Variants in GPAT2 observed in about 807,000 individuals in gnomAD.
The protein encoded by GPAT2 is glycerol-3-phosphate acyltransferase 2, mitochondrial, also known as 1-acylglycerol-3-phosphate O-acyltransferase GPAT2.
A neutral mutation model predicts 71.0 loss-of-function variants in GPAT2; 51 were observed. That is an observed-to-expected ratio of 0.72 (90% CI 0.57 to 0.91). The LOEUF is 0.91. Ranked by LOEUF, GPAT2 falls within the 40% of genes least tolerant of loss-of-function variation. The pLI, the probability that GPAT2 is intolerant of heterozygous loss-of-function variation, is 0.00. For synonymous variants in GPAT2, 222 were observed against 290.3 expected (o/e 0.76, Z 2.39); for missense variants, 511 against 666.0 (o/e 0.77, Z 2.56).
chr2:96,028,572 C>T (rs1296009569), intron 6 of GPAT2, among the ~76,000 whole-genome samples: 1 of 151,696 alleles, frequency 6.6e-6, no homozygotes, highest in Non-Finnish European at 1.5e-5. Context: ...ACAGGAGGAC[C>T]AGCTCTATTT....
intron 11 of GPAT2, 27 bp from the exon 12 acceptor site, chr2:96,026,039 C>T (rs1227792482): frequency 1.2e-6 from 2 of 1,610,620 alleles, no homozygotes; most frequent in Admixed American, 1.7e-5. Context: ...TCTTAGGTGG[C>T]CTGCTCGGGC....
rs763215862 is a variant in GPAT2 at position 96,026,301 on chromosome 2, G to A, written c.1037C>T (p.Ser346Leu). The A allele has an allele frequency of 1.2e-5, 19 of 1,538,944 alleles. No homozygotes were observed. The highest frequency in any genetic ancestry group is 4.3e-5 in the Admixed American group (2 of 46,024). The stretch of plus-strand genomic sequence containing the variant: ...TCCTGTCCACAGCCCCAGGGGGGCC[G>A]AGGCCTGCAAGGAGGGAAAGGATAA... The part of the protein sequence containing the change: ...PDAPCDIDHA[S>L]APLGLWTGAL... Residue 346 changes from serine (S) to leucine (L), a missense_variant, in exon 11 of 22, where the codon TCG becomes TTG. Ser to Leu is a moderately radical substitution (Grantham distance 145). Around this residue, in one of 7 missense-constraint regions of GPAT2, gnomAD observed 79 missense variants for 111.4 expected, o/e 0.71. Transcript: ENST00000434632.
At chr2:96,025,902 C>G (rs776364233) in intron 12 of GPAT2, 28 bp downstream of exon 12, 7 of 1,608,156 alleles carry the variant, frequency 4.4e-6, no homozygotes, top group Non-Finnish European at 5.1e-6. Context: ...GCCTTGCCCC[C>G]TGAGACCCCA....
intron 13 of GPAT2, 187 bp from the exon 14 acceptor site, chr2:96,025,030 C>G: frequency 1.5e-6 from 1 of 676,602 alleles, no homozygotes; most frequent in Non-Finnish European, 2.6e-6. Context: ...GGGCCTTCCC[C>G]TGGATCTCAT....
In GPAT2 at chr2:96,022,639, CAG is replaced by C. The variant is rs755982395; in HGVS notation, c.2289+27_2289+28del. 1.9e-5 allele frequency: 30 copies of C among 1,611,860 alleles called. No individual in the cohort carries two copies. The South Asian group carries it at 3.2e-4, about 17-fold the overall frequency. ...CTCTATTGGGGTGGGAGCAGGGGGA[CAG>C]AAGATGGTGACAGTGGCTCCTCTCA... On this transcript the variant is annotated intron_variant, in intron 21 of 21. Transcript: ENST00000434632.
intron 16 of GPAT2, 42 bp from the exon 17 acceptor site, chr2:96,024,042 C>T (rs1308983506): frequency 6.3e-7 from 1 of 1,576,454 alleles, no homozygotes; most frequent in Admixed American, 1.9e-5. Context: ...GAGAGCCAGG[C>T]ACATGGGCAG....
intron 13 of GPAT2, 138 bp from the exon 14 acceptor site, chr2:96,024,981 GT>G: frequency 1.0e-6 from 1 of 994,784 alleles, no homozygotes; most frequent in Non-Finnish European, 1.6e-6. Context: ...GAGCAGTGGT[GT>G]TTATCATCAC....
intron 12 of GPAT2, 117 bp downstream of exon 12, chr2:96,025,813 G>C: frequency 8.1e-7 from 1 of 1,235,262 alleles, no homozygotes; most frequent in East Asian, 2.4e-5. Context: ...TATTCTAGAT[G>C]ACCCCAGGAT....
chr2:96,032,267 G>A (rs750689619), intron 2 of GPAT2, 30 bp downstream of exon 2: 1 of 1,519,024 alleles, frequency 6.6e-7, no homozygotes. Context: ...AGGGCAGAGA[G>A]GATTTGAGGA....
intron 13 of GPAT2, 51 bp from the exon 14 acceptor site, chr2:96,024,894 C>T (rs1388204520): frequency 2.5e-6 from 4 of 1,596,586 alleles, no homozygotes; most frequent in Non-Finnish European, 1.7e-6. Flanking sequence ...GCCCAGCAGC[C>T]TGGTCCCTCC....
In GPAT2 at chr2:96,021,949, T is replaced by C; in HGVS notation, c.*210A>G. 7.8e-7 allele frequency: 1 copy of C among 1,282,902 alleles called. No homozygotes were observed. Among genetic ancestry groups the C allele is most frequent in the Middle Eastern group, 2.8e-4 (1 of 3,582 alleles). The allele number at this position is 1,282,902 out of a possible 1,614,324, so 79.5% of individuals were successfully genotyped here. A position where few individuals can be genotyped will look rare whatever the true frequency, so the allele number is the denominator to read the frequency against. ...ACACACACATACACCAAAAAGATGCTGCTGGGCTGGGGAAAAGACAACTCG... is the reference window on the plus strand; with the variant it reads ...ACACACACATACACCAAAAAGATGCCGCTGGGCTGGGGAAAAGACAACTCG... On this transcript the variant is annotated 3_prime_UTR_variant, in exon 22 of 22. Coordinates refer to ENST00000434632, the MANE Select transcript of GPAT2 (RefSeq NM_001321527.2).
chr2:96,025,578 C>T lies in GPAT2; in HGVS notation c.1264G>A (p.Glu422Lys), dbSNP rs537818494. 8.9e-6 allele frequency: 14 copies of T among 1,576,268 alleles called. No individual in the cohort carries two copies. In the East Asian group the frequency reaches 2.7e-4, roughly 31 times the overall value. Reference sequence around the variant, plus strand: ...CCAGTTATGGGGGTCCACTCCTGCTCCTTCTCAGTGTCTGGGACAGCAGTA... The same window carrying T: ...CCAGTTATGGGGGTCCACTCCTGCTTCTTCTCAGTGTCTGGGACAGCAGTA... ...QCTAVPDTEKEQEWTPITGPL... is the reference protein window; with the variant it reads ...QCTAVPDTEKKQEWTPITGPL... The change falls in exon 13 of 22, where the codon GAG becomes AAG. Residue 422 changes from glutamate to lysine, a missense_variant. Coordinates refer to ENST00000434632, the MANE Select transcript of GPAT2 (RefSeq NM_001321527.2).
intron 21 of GPAT2, 54 bp from the exon 22 acceptor site, chr2:96,022,329 A>G: frequency 1.3e-6 from 2 of 1,512,642 alleles, no homozygotes; most frequent in Non-Finnish European, 1.8e-6. Flanking sequence ...CTGTGTACAC[A>G]TGGCCCAGGG....
chr2:96,024,782 C>G lies in GPAT2; in HGVS notation c.1419G>C (p.Lys473Asn), dbSNP rs1680200882. ...ACATTGCACCCCCTACCTTCTGATG[C>G]TTGAAGAGCAGCAGCGTTGCCATAA... is the stretch of plus-strand genomic sequence containing the variant. ...TAIMATLLLF[K>N]HQKGVFLSQL... is the part of the protein sequence containing the mutation. Residue 473 changes from lysine to asparagine, a missense_variant, in exon 14 of 22, where the codon AAG (lysine) becomes AAC (asparagine). Transcript: ENST00000434632. 6.2e-7 allele frequency: 1 copy of G among 1,613,964 alleles called. No individual in the cohort carries two copies. Among genetic ancestry groups the G allele is most frequent in the African/African-American group, 1.3e-5 (1 of 75,028 alleles).
At position 96,026,182 on chromosome 2, in the gene GPAT2, C is replaced by A; in HGVS notation, c.1155+1G>T. On this transcript the variant is annotated splice_donor_variant, in intron 11 of 21. Coordinates refer to ENST00000434632, the MANE Select transcript of GPAT2 (RefSeq NM_001321527.2). LOFTEE classifies it high-confidence loss of function. ...CCAGCCTTCCCCAGCTGGCTCCATACCTGCAGGGAAAAGGGCTGAGCTAGG... is the reference window on the plus strand; with the variant it reads ...CCAGCCTTCCCCAGCTGGCTCCATAACTGCAGGGAAAAGGGCTGAGCTAGG... 3 of 1,604,008 alleles carry A rather than the reference C, an allele frequency of 1.9e-6. No homozygotes were observed. The highest frequency in any genetic ancestry group is 2.6e-6 in the Non-Finnish European group (3 of 1,175,136).
chr2:96,023,992 C>T lies in GPAT2; in HGVS notation c.1845G>A (p.Gln615=), dbSNP rs1349186040. The T allele has an allele frequency of 6.3e-7, 1 of 1,594,438 alleles. No individual in the cohort carries two copies. The highest frequency in any genetic ancestry group is 8.5e-7 in the Non-Finnish European group (1 of 1,170,610). The change falls in exon 17 of 22, where the codon CAG becomes CAA. Residue 615 remains glutamine, a synonymous_variant. Transcript: ENST00000434632. ...CCTCCTGACAGTAGCAGTAGGAAGA[C>T]TGGCAGGGCTGGGAGAAAAAGGCAC... The part of the protein sequence containing the change: ...PQDLLLLKPC[Q]SSYCYCQEVL...
rs1472119549 is a variant in GPAT2 at position 96,024,215 on chromosome 2, G to A, written c.1810C>T (p.Leu604=). 2.0e-6 allele frequency: 3 copies of A among 1,538,360 alleles called. No individual in the cohort carries two copies. Among genetic ancestry groups the A allele is most frequent in the East Asian group, 2.3e-5 (1 of 43,470 alleles). Residue 604 remains leucine, a synonymous_variant, in exon 16 of 22, where the codon CTG becomes TTG. Transcript: ENST00000434632. ...TTTAGCAGCAGCAGGTCTTGCGGCA[G>A]CAGGTGCATCAGCAGCAGGATCTGG... ...YRQILLLMHL[L]PQDLLLLKPC... is the part of the protein sequence containing the mutation.
rs768405348 is a variant in GPAT2, at chr2:96,022,636, G to A, written c.2289+32C>T. Reference sequence around the variant, plus strand: ...CTACTCTATTGGGGTGGGAGCAGGGGGACAGAAGATGGTGACAGTGGCTCC... The same window carrying A: ...CTACTCTATTGGGGTGGGAGCAGGGAGACAGAAGATGGTGACAGTGGCTCC... On this transcript the variant is annotated intron_variant, in intron 21 of 21. Coordinates refer to ENST00000434632, the MANE Select transcript of GPAT2 (RefSeq NM_001321527.2). The A allele has an allele frequency of 1.8e-5, 29 of 1,609,994 alleles. No individual in the cohort carries two copies. In the South Asian group the frequency reaches 2.5e-4, roughly 14 times the overall value.
At chr2:96,024,117 G>A in intron 16 of GPAT2, 72 bp downstream of exon 16, 1 of 1,550,236 alleles carries the variant, frequency 6.5e-7, no homozygotes, top group Non-Finnish European at 8.7e-7. Context: ...GTAGAGCATG[G>A]GCAGGGATGG....
Sources: allele counts gnomAD v4.1 joint callset (sites outside exome capture counted in the v4.1 genomes callset), GRCh38; gene constraint gnomAD v4.1.1; regional missense constraint gnomAD v4.1.1; transcripts MANE v1.5; gene names NCBI Gene and HGNC (gene_info 2026-07-23, HGNC 2026-07-21).